SLC8A1: variants seen among roughly 807,000 people sequenced by gnomAD.
SLC8A1 encodes solute carrier family 8 member A1, also known as sodium/calcium exchanger 1.
SLC8A1 carries 18 observed loss-of-function variants against 68.3 expected under a neutral mutation model. The observed-to-expected ratio is 0.26, with a 90% CI of 0.18 to 0.39. The LOEUF is 0.39. Ranked by LOEUF, SLC8A1 falls within the 10% of genes least tolerant of loss-of-function variation. The pLI is 1.00. For missense variants in SLC8A1, 985 were observed against 1,156.7 expected (o/e 0.85, Z 2.15); for synonymous variants, 475 against 415.5 (o/e 1.14, Z -1.74).
At chr2:40,381,743 C>A (rs1229305629) in intron 2 of SLC8A1, among the ~76,000 whole-genome samples, 1 of 151,206 alleles carries the variant, frequency 6.6e-6, no homozygotes, top group African/African-American at 2.4e-5. Context: ...TTTCAGGAAA[C>A]CAACCATTGG....
At chr2:40,460,898 C>T (rs1014397732) in intron 1 of SLC8A1, among the ~76,000 whole-genome samples, 4 of 152,062 alleles carry the variant, frequency 2.6e-5, no homozygotes, top group African/African-American at 9.7e-5. Flanking sequence ...GAAGTAAGTG[C>T]TATGGCCGGA....
At chr2:40,154,094 C>T (rs1177258060) in intron 6 of SLC8A1, among the ~76,000 whole-genome samples, 1 of 152,082 alleles carries the variant, frequency 6.6e-6, no homozygotes, top group African/African-American at 2.4e-5. Context: ...CAGCTAATCA[C>T]TTGCTAGTTG....
intron 2 of SLC8A1, among the ~76,000 whole-genome samples, chr2:40,181,113 C>A (rs1222111876): frequency 6.6e-6 from 1 of 152,158 alleles, no homozygotes. Context: ...ATGCCCATCA[C>A]CATGCCCAGC....
chr2:40,346,588 G>A (rs1669389583), intron 2 of SLC8A1, among the ~76,000 whole-genome samples: 1 of 151,878 alleles, frequency 6.6e-6, no homozygotes, highest in Non-Finnish European at 1.5e-5. Flanking sequence ...TATTCCACAA[G>A]AGCTTGTTCT....
chr2:40,182,870 A>G (rs1455686327), intron 2 of SLC8A1, among the ~76,000 whole-genome samples: 1 of 152,192 alleles, frequency 6.6e-6, no homozygotes, highest in Non-Finnish European at 1.5e-5. Flanking sequence ...CTTTTCTTTA[A>G]GTCTGCCCTT....
At chr2:40,172,715 G>A (rs2047718420) in intron 4 of SLC8A1, among the ~76,000 whole-genome samples, 2 of 152,104 alleles carry the variant, frequency 1.3e-5, no homozygotes, top group African/African-American at 2.4e-5. Flanking sequence ...GGCCGAGGTG[G>A]GTGGATCACG....
At chr2:40,144,810 TATC>T (rs2042156484) in intron 6 of SLC8A1, among the ~76,000 whole-genome samples, 1 of 152,204 alleles carries the variant, frequency 6.6e-6, no homozygotes, top group South Asian at 2.1e-4. Flanking sequence ...TTTAAAATTT[TATC>T]ATATGCATTT....
intron 2 of SLC8A1, among the ~76,000 whole-genome samples, chr2:40,225,618 G>A (rs1372769765): frequency 6.6e-6 from 1 of 152,070 alleles, no homozygotes; most frequent in African/African-American, 2.4e-5. Context: ...GGCTCACGAT[G>A]GAAATCAGGT....
intron 2 of SLC8A1, among the ~76,000 whole-genome samples, chr2:40,370,707 T>C (rs1170230336): frequency 2.0e-5 from 3 of 152,130 alleles, no homozygotes; most frequent in Non-Finnish European, 4.4e-5. Context: ...TACTGTATTC[T>C]TGAGTCAGTA....
intron 2 of SLC8A1, among the ~76,000 whole-genome samples, chr2:40,194,469 A>ATGTG (rs543194094): frequency 0.016 from 2,199 of 137,376 alleles, 22 homozygotes; most frequent in Middle Eastern, 0.026. Flanking sequence ...TCAGTAAGCA[A>ATGTG]TGTGTGTGTG....
At chr2:40,475,640 G>A (rs988368949) in intron 1 of SLC8A1, among the ~76,000 whole-genome samples, 1 of 151,614 alleles carries the variant, frequency 6.6e-6, no homozygotes, top group African/African-American at 2.4e-5. Flanking sequence ...ACACATACAT[G>A]TACACATGCA....
At position 40,210,306 on chromosome 2, in the gene SLC8A1, A is replaced by C. The variant is rs148197098; in HGVS notation, c.1809-32451T>G. Among the ~76,000 whole-genome samples the C allele has an allele frequency of 9.5e-3, 1,447 of 152,278 alleles. 64 individuals carry two copies. The highest frequency in any genetic ancestry group is 0.08 in the Admixed American group (1,228 of 15,294). On this transcript the variant is annotated intron_variant, in intron 2 of 7. Coordinates refer to ENST00000406785, the Ensembl canonical transcript of SLC8A1. ...GAAACAAGAGCTTTATTAACACAGC[A>C]GGAAGAAGATACCTGCTGGCTGGAT...
chr2:40,448,483 C>T (rs1431455781), intron 1 of SLC8A1, among the ~76,000 whole-genome samples: 1 of 152,140 alleles, frequency 6.6e-6, no homozygotes, highest in Non-Finnish European at 1.5e-5. Flanking sequence ...TAAATCTCAG[C>T]TATATCTCTA....
exon 8 of SLC8A1, chr2:40,113,449 G>C (rs981395273): frequency 2.0e-5 from 3 of 152,614 alleles, no homozygotes; most frequent in South Asian, 2.1e-4. Flanking sequence ...CTTTTTAAAG[G>C]GTTAAAAATA....
At chr2:40,106,168 G>C (rs2034184374) in exon 8 of SLC8A1, 1 of 152,190 alleles carries the variant, frequency 6.6e-6, no homozygotes, top group Non-Finnish European at 1.5e-5. Context: ...GTATTTTGAA[G>C]GAAGGAAAAC....
intron 2 of SLC8A1, among the ~76,000 whole-genome samples, chr2:40,362,971 C>T (rs574509539): frequency 6.6e-6 from 1 of 152,192 alleles, no homozygotes; most frequent in East Asian, 1.9e-4. Flanking sequence ...GACTAAATGT[C>T]CTTTCTGTTC....
chr2:40,232,458 T>G (rs956735024), intron 2 of SLC8A1, among the ~76,000 whole-genome samples: 2 of 151,802 alleles, frequency 1.3e-5, no homozygotes, highest in Admixed American at 6.6e-5. Context: ...TGGTGTGCCT[T>G]TCGAATGGCC....
At chr2:40,137,165 A>G (rs533411755) in intron 7 of SLC8A1, among the ~76,000 whole-genome samples, 56 of 152,328 alleles carry the variant, frequency 3.7e-4, no homozygotes, top group African/African-American at 1.3e-3. Context: ...TTTAATTATA[A>G]GGCTGCCACA....
chr2:40,281,446 A>T (rs1402545221), intron 2 of SLC8A1, among the ~76,000 whole-genome samples: 2 of 152,366 alleles, frequency 1.3e-5, no homozygotes, highest in East Asian at 3.9e-4. Flanking sequence ...CTCATAGGCC[A>T]ACTCTATGCA....
Sources: allele counts gnomAD v4.1 joint callset (sites outside exome capture counted in the v4.1 genomes callset), GRCh38; gene constraint gnomAD v4.1.1; transcripts MANE v1.5; gene names NCBI Gene and HGNC (gene_info 2026-07-23, HGNC 2026-07-21).